FAM107B: variants seen among roughly 807,000 people sequenced by gnomAD.
The protein encoded by FAM107B is family with sequence similarity 107 member B, also known as protein FAM107B.
FAM107B carries 21 observed loss-of-function variants against 31.5 expected under a neutral mutation model. The ratio of observed to expected loss-of-function variants is 0.67; its 90% CI spans 0.47 to 0.96. The LOEUF (loss-of-function observed/expected upper bound fraction) is 0.96. Ranked by LOEUF, FAM107B falls within the 40% of genes least tolerant of loss-of-function variation. FAM107B has a pLI of 0.00. For missense variants in FAM107B, 452 were observed against 377.1 expected (o/e 1.20, Z -1.64); for synonymous variants, 157 against 141.5 (o/e 1.11, Z -0.78).
At chr10:14,573,502 G>A (rs2131279210) in intron 2 of FAM107B, among the ~76,000 whole-genome samples, 1 of 150,666 alleles carries the variant, frequency 6.6e-6, no homozygotes. Context: ...CAAGGCAGGA[G>A]GATCACTTGA....
chr10:14,622,546 C>T (rs945897255), intron 2 of FAM107B, among the ~76,000 whole-genome samples: 7 of 152,120 alleles, frequency 4.6e-5, no homozygotes, highest in Admixed American at 4.6e-4. Flanking sequence ...ACCTCGTGAT[C>T]CACCCGCCTT....
At chr10:14,757,529 A>C (rs535552721) in intron 1 of FAM107B, among the ~76,000 whole-genome samples, 2 of 152,274 alleles carry the variant, frequency 1.3e-5, no homozygotes, top group Admixed American at 1.3e-4. Context: ...CTATTCAGTG[A>C]GCCAGACGGA....
Position 14,716,536 on chromosome 10 carries a change from T to A in FAM107B, c.412-48845A>T, listed in dbSNP as rs151275826. Among the ~76,000 whole-genome samples the A allele has an allele frequency of 1.3e-4, 20 of 152,348 alleles. 1 individual carries two copies. Among genetic ancestry groups the A allele is most frequent in the African/African-American group, 3.8e-4 (16 of 41,568 alleles). ...CAGAAGTAACACACTGATACTTCCA[T>A]CACAGGCTACTTGTGAGAAGTGAGT... On this transcript the variant is annotated intron_variant, in intron 1 of 4. Coordinates refer to ENST00000181796, the MANE Select transcript of FAM107B (RefSeq NM_031453.4).
intron 1 of FAM107B, among the ~76,000 whole-genome samples, chr10:14,668,136 G>A (rs1854454407): frequency 6.6e-6 from 1 of 152,110 alleles, no homozygotes; most frequent in African/African-American, 2.4e-5. Flanking sequence ...CCAACTCCCT[G>A]GTTCAAGTGA....
At chr10:14,673,266 A>G (rs1444200517) in intron 1 of FAM107B, among the ~76,000 whole-genome samples, 1 of 152,126 alleles carries the variant, frequency 6.6e-6, no homozygotes, top group African/African-American at 2.4e-5. Context: ...GTACTCATTA[A>G]CCAACCTCTC....
At chr10:14,563,754 C>T (rs1850432784) in intron 2 of FAM107B, among the ~76,000 whole-genome samples, 1 of 152,174 alleles carries the variant, frequency 6.6e-6, no homozygotes, top group Non-Finnish European at 1.5e-5. Context: ...ACTAGATTTT[C>T]TGCATACATG....
intron 1 of FAM107B, among the ~76,000 whole-genome samples, chr10:14,696,021 TAGA>T (rs1196002550): frequency 2.0e-5 from 3 of 152,222 alleles, no homozygotes; most frequent in Non-Finnish European, 2.9e-5. Context: ...CCGTGTCAAA[TAGA>T]AGAAGTGAGA....
chr10:14,541,984 A>C (rs1848250050), intron 2 of FAM107B, among the ~76,000 whole-genome samples: 1 of 152,168 alleles, frequency 6.6e-6, no homozygotes, highest in South Asian at 2.1e-4. Flanking sequence ...GGCCGGGCAC[A>C]GTGGCTCACG....
At chr10:14,747,177 T>C (rs1832743378) in intron 1 of FAM107B, among the ~76,000 whole-genome samples, 1 of 152,204 alleles carries the variant, frequency 6.6e-6, no homozygotes, top group South Asian at 2.1e-4. Flanking sequence ...CTGGTTATTC[T>C]GGTTAACAGC....
At chr10:14,729,088 G>T (rs1051087217) in intron 1 of FAM107B, among the ~76,000 whole-genome samples, 6 of 152,024 alleles carry the variant, frequency 3.9e-5, no homozygotes, top group Non-Finnish European at 7.4e-5. Context: ...GACCTTCTGG[G>T]CTCAAGCAGT....
chr10:14,571,895 A>C, intron 2 of FAM107B: 1 of 985,488 alleles, frequency 1.0e-6, no homozygotes, highest in Non-Finnish European at 1.2e-6. Context: ...CTAAGTGACG[A>C]ACGGTTACAG....
At chr10:14,670,007 T>C (rs886113607) in intron 1 of FAM107B, among the ~76,000 whole-genome samples, 2 of 152,212 alleles carry the variant, frequency 1.3e-5, no homozygotes. Context: ...TCATCACACA[T>C]TCTATGCATG....
At chr10:14,658,209 G>A (rs1202243375) in intron 2 of FAM107B, among the ~76,000 whole-genome samples, 1 of 152,178 alleles carries the variant, frequency 6.6e-6, no homozygotes, top group African/African-American at 2.4e-5. Context: ...TAAAATACAA[G>A]CTATGATAGT....
intron 2 of FAM107B, among the ~76,000 whole-genome samples, chr10:14,642,553 G>A (rs185675603): frequency 1.3e-5 from 2 of 152,176 alleles, no homozygotes; most frequent in Non-Finnish European, 2.9e-5. Flanking sequence ...CAAACTGGCA[G>A]TGTTTCTGCT....
At chr10:14,679,036 G>A (rs570916930) in intron 1 of FAM107B, among the ~76,000 whole-genome samples, 64 of 152,354 alleles carry the variant, frequency 4.2e-4, no homozygotes, top group Middle Eastern at 3.4e-3. Context: ...AAGGATGTGG[G>A]CCTTGGAGTT....
intron 2 of FAM107B, among the ~76,000 whole-genome samples, chr10:14,595,524 C>G (rs892544850): frequency 2.1e-5 from 3 of 144,822 alleles, no homozygotes; most frequent in Non-Finnish European, 3.0e-5. Context: ...CTCCTGAGTT[C>G]GAGCGATTCT....
At chr10:14,582,045 A>G (rs1407667587) in intron 2 of FAM107B, among the ~76,000 whole-genome samples, 3 of 152,224 alleles carry the variant, frequency 2.0e-5, no homozygotes, top group African/African-American at 7.2e-5. Context: ...TTGTTGACAC[A>G]TTCTTTGTGA....
intron 2 of FAM107B, among the ~76,000 whole-genome samples, chr10:14,633,184 G>C (rs891930694): frequency 7.1e-6 from 1 of 140,294 alleles, no homozygotes. Flanking sequence ...GGGTGATAGA[G>C]ACTCTGTCTC....
intron 1 of FAM107B, among the ~76,000 whole-genome samples, chr10:14,760,622 C>T (rs528232053): frequency 3.3e-5 from 5 of 149,740 alleles, no homozygotes; most frequent in South Asian, 2.1e-4. Flanking sequence ...TTTAGCTTTA[C>T]GATCCATCTG....
Sources: gnomAD v4.1 joint callset for allele counts (sites outside exome capture counted in the v4.1 genomes callset) on GRCh38, gnomAD v4.1.1 for gene constraint, MANE v1.5 for transcripts, NCBI Gene and HGNC (gene_info 2026-07-23, HGNC 2026-07-21) for gene names.